AHNAK2: variants seen among roughly 807,000 people sequenced by gnomAD.
AHNAK2 encodes protein AHNAK2.
In AHNAK2, 18 loss-of-function variants were observed where a neutral mutation model predicts 30.7. The ratio of observed to expected loss-of-function variants is 0.59; its 90% CI spans 0.41 to 0.87. The LOEUF (loss-of-function observed/expected upper bound fraction) is 0.87. Among genes scored for constraint, AHNAK2 ranks in the 40% least tolerant of loss-of-function variants. The pLI, the probability that AHNAK2 is intolerant of heterozygous loss-of-function variation, is 0.00. For missense variants in AHNAK2, 8,604 were observed against 7,373.0 expected, an observed-to-expected ratio of 1.17 and a Z score of -6.11; for synonymous variants, 3,590 against 3,073.8, an observed-to-expected ratio of 1.17 and a Z score of -5.56.
chr14:104,944,184 T>A lies in AHNAK2; in HGVS notation c.11267A>T (p.Glu3756Val). The A allele has an allele frequency of 6.2e-7, 1 of 1,613,066 alleles. No homozygotes were observed. Among genetic ancestry groups the A allele is most frequent in the Non-Finnish European group, 8.5e-7 (1 of 1,179,626 alleles). Residue 3756 changes from glutamate (E) to valine (V), a missense_variant, in exon 7 of 7, where the codon GAA (glutamate) becomes GTA (valine). Physicochemically the swap from Glu to Val is moderately radical, Grantham distance 121. Coordinates refer to ENST00000333244, the MANE Select transcript of AHNAK2 (RefSeq NM_138420.4). ...PKLDLKVSKA[E>V]VTAPDVEVSL... ...CACCTCCACATCAGGGGCTGTGACT[T>A]CCGCCTTGGAGACTTTTAGGTCCAG...
At chr14:104,962,781 G>T (rs115533222) in intron 1 of AHNAK2, among the ~76,000 whole-genome samples, 1 of 152,174 alleles carries the variant, frequency 6.6e-6, no homozygotes, top group South Asian at 2.1e-4. Context: ...TCTTTTCACC[G>T]AATGGTCCTG....
At position 104,951,820 on chromosome 14, in the gene AHNAK2, G is replaced by C. The variant is rs754462500; in HGVS notation, c.3631C>G (p.Leu1211Val). The part of the protein sequence containing the change: ...SMQGDLKTTD[L>V]SIQPPSADLE... Reference sequence around the variant, plus strand: ...TCAGCGGAAGGGGGCTGAATGCTGAGGTCAGTGGTCTTGAGGTCCCCCTGC... The same window carrying C: ...TCAGCGGAAGGGGGCTGAATGCTGACGTCAGTGGTCTTGAGGTCCCCCTGC... Residue 1211 changes from leucine (L) to valine (V), a missense_variant, in exon 7 of 7, where the codon CTC becomes GTC. Transcript: ENST00000333244. 2 of 1,552,270 alleles carry C rather than the reference G, an allele frequency of 1.3e-6. 1 individual carries two copies. Among genetic ancestry groups the C allele is most frequent in the Non-Finnish European group, 1.8e-6 (2 of 1,131,084 alleles).
At chr14:104,963,800 AGCCTGG>A (rs1899221256) in intron 1 of AHNAK2, among the ~76,000 whole-genome samples, 1 of 150,676 alleles carries the variant, frequency 6.6e-6, no homozygotes, top group Admixed American at 6.6e-5. Context: ...ACTGCACTCC[AGCCTGG>A]GCCACACAGC....
Position 104,944,129 on chromosome 14 carries a change from C to T in AHNAK2, c.11322G>A (p.Gln3774=), listed in dbSNP as rs765464423. 6.2e-7 allele frequency: 1 copy of T among 1,613,284 alleles called. No homozygotes were observed. Among genetic ancestry groups the T allele is most frequent in the South Asian group, 1.1e-5 (1 of 91,048 alleles). Reference sequence around the variant, plus strand: ...CACTATCCAGTTTGGCTCTTGGGGCCTGGACGTCCACCTCCACGCTGGGCA... The same window carrying T: ...CACTATCCAGTTTGGCTCTTGGGGCTTGGACGTCCACCTCCACGCTGGGCA... ...VSLPSVEVDV[Q]APRAKLDSAQ... Residue 3774 remains glutamine (Q), a synonymous_variant, in exon 7 of 7, where the codon CAG becomes CAA. Coordinates refer to ENST00000333244, the MANE Select transcript of AHNAK2 (RefSeq NM_138420.4).
In AHNAK2 at chr14:104,947,791, C is replaced by T. The variant is rs780164826; in HGVS notation, c.7660G>A (p.Gly2554Ser). ...AGQVDVKLPE[G>S]PVPEGAGLKG... is the part of the protein sequence containing the mutation. ...AGGCCGGCTCCCTCCGGCACAGGGC[C>T]CTCTGGGAGTTTCACGTCCACTTGG... is the stretch of plus-strand genomic sequence containing the variant. The change falls in exon 7 of 7, where the codon GGC (glycine) becomes AGC (serine). Residue 2554 changes from glycine (G) to serine (S), a missense_variant. Transcript: ENST00000333244. 9.3e-6 allele frequency: 15 copies of T among 1,612,560 alleles called. 2 individuals are homozygous for T. The highest frequency in any genetic ancestry group is 5.4e-5 in the African/African-American group (4 of 74,482).
In AHNAK2 at chr14:104,950,282, G is replaced by C. The variant is rs370109109; in HGVS notation, c.5169C>G (p.Asn1723Lys). 13 of 1,585,216 alleles carry C rather than the reference G, an allele frequency of 8.2e-6. 3 individuals carry two copies. Among genetic ancestry groups the C allele is most frequent in the Middle Eastern group, 1.7e-4 (1 of 6,012 alleles). ...ADLEVQAGQVNVKLPEGPLPE... is the reference protein window; with the variant it reads ...ADLEVQAGQVKVKLPEGPLPE... Reference sequence around the variant, plus strand: ...GAAGGGGGCCCTCCGGGAGTTTCACGTTCACTTGGCCAGCCTGGACCTCCA... The same window carrying C: ...GAAGGGGGCCCTCCGGGAGTTTCACCTTCACTTGGCCAGCCTGGACCTCCA... Residue 1723 changes from asparagine (N) to lysine (K), a missense_variant, in exon 7 of 7, where the codon AAC becomes AAG. Asn to Lys is a moderately conservative substitution (Grantham distance 94). Transcript: ENST00000333244.
intron 1 of AHNAK2, among the ~76,000 whole-genome samples, chr14:104,963,587 T>C (rs1899210168): frequency 6.6e-6 from 1 of 152,090 alleles, no homozygotes; most frequent in Non-Finnish European, 1.5e-5. Context: ...TCCCAACACT[T>C]TGGGAGGCCG....
rs767716805 is a variant in AHNAK2, at chr14:104,947,417, C to T, written c.8034G>A (p.Val2678=). ...TGGAGGGGAGGCTCATGTCGGCTTC[C>T]ACCTTCAGCTCAGACACATCCACCA... ...EALVDVSELK[V]EADMSLPSMQ... is the part of the protein sequence containing the mutation. The change falls in exon 7 of 7, where the codon GTG becomes GTA. Residue 2678 remains valine, a synonymous_variant. Coordinates refer to ENST00000333244, the MANE Select transcript of AHNAK2 (RefSeq NM_138420.4). 35 of 1,612,498 alleles carry T rather than the reference C, an allele frequency of 2.2e-5. No homozygotes were observed. Among genetic ancestry groups the T allele is most frequent in the Non-Finnish European group, 2.8e-5 (33 of 1,179,502 alleles).
chr14:104,945,709 T>A lies in AHNAK2; in HGVS notation c.9742A>T (p.Ile3248Phe). The A allele has an allele frequency of 6.3e-7, 1 of 1,599,458 alleles. No homozygotes were observed. Among genetic ancestry groups the A allele is most frequent in the Non-Finnish European group, 8.5e-7 (1 of 1,171,622 alleles). The stretch of plus-strand genomic sequence containing the variant: ...TTCAGGTCCAGCTTGGGGCCCTTGA[T>A]GTCTATCTGGGGGCCCTTGCGATCT... ...KVDRKGPQIDIKGPKLDLKGP... is the reference protein window; with the variant it reads ...KVDRKGPQIDFKGPKLDLKGP... The change falls in exon 7 of 7, where the codon ATC becomes TTC. Residue 3248 changes from isoleucine to phenylalanine, a missense_variant. Transcript: ENST00000333244.
At chr14:104,976,102 G>A (rs1467034054) in intron 1 of AHNAK2, among the ~76,000 whole-genome samples, 1 of 152,192 alleles carries the variant, frequency 6.6e-6, no homozygotes, top group Non-Finnish European at 1.5e-5. Context: ...GGTGCAGGGT[G>A]GGGGCCGGGG....
In AHNAK2 at chr14:104,949,782, T is replaced by A; in HGVS notation, c.5669A>T (p.Lys1890Met). ...LVVQAGQVDM[K>M]LPEGQVPEGA... Reference sequence around the variant, plus strand: ...CTCGGGCACCTGGCCCTCCGGGAGCTTCATGTCCACTTGGCCAGCCTGGAC... The same window carrying A: ...CTCGGGCACCTGGCCCTCCGGGAGCATCATGTCCACTTGGCCAGCCTGGAC... Residue 1890 changes from lysine (K) to methionine (M), a missense_variant, in exon 7 of 7, where the codon AAG (lysine) becomes ATG (methionine). By Grantham distance (95) the Lys-to-Met change is moderately conservative. Coordinates refer to ENST00000333244, the MANE Select transcript of AHNAK2 (RefSeq NM_138420.4). 1.3e-6 allele frequency: 2 copies of A among 1,587,374 alleles called. No homozygotes were observed. Among genetic ancestry groups the A allele is most frequent in the Non-Finnish European group, 1.7e-6 (2 of 1,163,156 alleles).
intron 1 of AHNAK2, among the ~76,000 whole-genome samples, chr14:104,965,054 C>T (rs1317713665): frequency 6.6e-6 from 1 of 152,186 alleles, no homozygotes; most frequent in Non-Finnish European, 1.5e-5. Flanking sequence ...CTTTATTACA[C>T]TCTTTTGCAA....
At position 104,941,582 on chromosome 14, in the gene AHNAK2, C is replaced by T. The variant is rs768905479; in HGVS notation, c.13869G>A (p.Gly4623=). Residue 4623 remains glycine, a synonymous_variant, in exon 7 of 7, where the codon GGG becomes GGA. Coordinates refer to ENST00000333244, the MANE Select transcript of AHNAK2 (RefSeq NM_138420.4). ...TTGGTCCTTGAAACTTACTGTCTTT[C>T]CCAGCTACATCCTCGTGGGCCAGGG... The part of the protein sequence containing the change: ...DLSLAHEDVA[G]KDSKFQGPKL... The T allele has an allele frequency of 6.8e-6, 11 of 1,613,158 alleles. No homozygotes were observed. Among genetic ancestry groups the T allele is most frequent in the Middle Eastern group, 1.6e-4 (1 of 6,084 alleles).
In AHNAK2 at chr14:104,945,119, C is replaced by T; in HGVS notation, c.10332G>A (p.Gln3444=). 6.2e-7 allele frequency: 1 copy of T among 1,613,246 alleles called. No individual in the cohort carries two copies. Among genetic ancestry groups the T allele is most frequent in the Non-Finnish European group, 8.5e-7 (1 of 1,179,762 alleles). ...VSLPSVEVDV[Q]APRAKLDGAR... ...CACCATCCAGCTTGGCTCTCGGGGC[C>T]TGGACGTCCACCTCCACGCTGGGCA... Residue 3444 remains glutamine, a synonymous_variant, in exon 7 of 7, where the codon CAG becomes CAA. Transcript: ENST00000333244.
rs1248111215 is a variant in AHNAK2 at position 104,942,231 on chromosome 14, T to C, written c.13220A>G (p.Lys4407Arg). ...CACCTTGGGGCCTTTCAGGTCCAGC[T>C]TGGGGACATTAACGTCTATCTGGGG... ...KGPQIDVNVPKLDLKGPKVEV... is the reference protein window; with the variant it reads ...KGPQIDVNVPRLDLKGPKVEV... The change falls in exon 7 of 7, where the codon AAG becomes AGG. Residue 4407 changes from lysine to arginine, a missense_variant. Coordinates refer to ENST00000333244, the MANE Select transcript of AHNAK2 (RefSeq NM_138420.4). 3 of 1,612,914 alleles carry C rather than the reference T, an allele frequency of 1.9e-6. No homozygotes were observed. In the African/African-American group the frequency reaches 4.0e-5, roughly 22 times the overall value.
chr14:104,949,939 G>C lies in AHNAK2; in HGVS notation c.5512C>G (p.Pro1838Ala), dbSNP rs1159213132. 6.3e-7 allele frequency: 1 copy of C among 1,588,906 alleles called. No individual in the cohort carries two copies. The highest frequency in any genetic ancestry group is 8.6e-7 in the Non-Finnish European group (1 of 1,163,648). Residue 1838 changes from proline to alanine, a missense_variant, in exon 7 of 7, where the codon CCA becomes GCA. By Grantham distance (27) the Pro-to-Ala change is conservative. Coordinates refer to ENST00000333244, the MANE Select transcript of AHNAK2 (RefSeq NM_138420.4). ...FKMPSFGVSA[P>A]GKSIEASVDV... is the part of the protein sequence containing the mutation. ...ACCGAGGCCTCGATGGACTTGCCTG[G>C]GGCAGACACCCCGAACGACGGCATC...
chr14:104,950,385 T>C lies in AHNAK2; in HGVS notation c.5066A>G (p.Glu1689Gly). ...ASVDVSEPKVEADVSLPSMQG... is the reference protein window; with the variant it reads ...ASVDVSEPKVGADVSLPSMQG... ...CATGGAGGGGAGGCTCACATCAGCT[T>C]CCACCTTCGGCTCAGACACATCCAC... Residue 1689 changes from glutamate (E) to glycine (G), a missense_variant, in exon 7 of 7, where the codon GAA becomes GGA. Glu to Gly is a moderately conservative substitution (Grantham distance 98, BLOSUM62 -2). Coordinates refer to ENST00000333244, the MANE Select transcript of AHNAK2 (RefSeq NM_138420.4). 2 of 1,586,166 alleles carry C rather than the reference T, an allele frequency of 1.3e-6. No homozygotes were observed. Among genetic ancestry groups the C allele is most frequent in the Non-Finnish European group, 1.7e-6 (2 of 1,162,662 alleles).
In AHNAK2 at chr14:104,949,607, C is replaced by T; in HGVS notation, c.5844G>A (p.Glu1948=). The T allele has an allele frequency of 6.3e-7, 1 of 1,589,276 alleles. No individual in the cohort carries two copies. Among genetic ancestry groups the T allele is most frequent in the Non-Finnish European group, 8.6e-7 (1 of 1,163,488 alleles). ...CCACCTCCATGCTGGGCAGAGACAC[C>T]TCGACATCGGGGGCTGTCACTTCCG... ...PKAEVTAPDV[E]VSLPSMEVDV... is the part of the protein sequence containing the mutation. Residue 1948 remains glutamate (E), a synonymous_variant, in exon 7 of 7, where the codon GAG becomes GAA. Transcript: ENST00000333244.
rs1898133957 is a variant in AHNAK2, at chr14:104,944,148, C to T, written c.11303G>A (p.Ser3768Asn). The change falls in exon 7 of 7, where the codon AGC (serine) becomes AAC (asparagine). Residue 3768 changes from serine to asparagine, a missense_variant. Ser to Asn is a conservative substitution (Grantham distance 46). Transcript: ENST00000333244. ...TGGGGCCTGGACGTCCACCTCCACG[C>T]TGGGCAGAGACACCTCCACATCAGG... Reference protein sequence around the residue: ...TAPDVEVSLPSVEVDVQAPRA... With the variant: ...TAPDVEVSLPNVEVDVQAPRA... The T allele has an allele frequency of 1.9e-6, 3 of 1,613,454 alleles. No homozygotes were observed. The highest frequency in any genetic ancestry group is 1.7e-6 in the Non-Finnish European group (2 of 1,179,786).
Sources: allele counts gnomAD v4.1 joint callset (sites outside exome capture counted in the v4.1 genomes callset), GRCh38; gene constraint gnomAD v4.1.1; transcripts MANE v1.5; gene names NCBI Gene and HGNC (gene_info 2026-07-23, HGNC 2026-07-21).